ADAMTS17: variants seen among roughly 807,000 people sequenced by gnomAD.
ADAMTS17 encodes ADAM metallopeptidase with thrombospondin type 1 motif 17.
A neutral mutation model predicts 141.5 loss-of-function variants in ADAMTS17; 113 were observed. The ratio of observed to expected loss-of-function variants is 0.80; its 90% CI spans 0.69 to 0.93. The LOEUF is 0.93. Ranked by LOEUF, ADAMTS17 falls within the 40% of genes least tolerant of loss-of-function variation. ADAMTS17 has a pLI of 0.00. For missense variants in ADAMTS17, 1,659 were observed against 1,517.9 expected, an observed-to-expected ratio of 1.09 and a Z score of -1.54; for synonymous variants, 768 against 630.6, an observed-to-expected ratio of 1.22 and a Z score of -3.27.
chr15:100,149,574 T>C (rs1482434247), intron 10 of ADAMTS17, among the ~76,000 whole-genome samples: 1 of 152,164 alleles, frequency 6.6e-6, no homozygotes, highest in African/African-American at 2.4e-5. Context: ...TCACCTTTTT[T>C]CCTGCCAAAC....
chr15:100,079,462 T>A (rs10152706), intron 15 of ADAMTS17, among the ~76,000 whole-genome samples: 1 of 152,050 alleles, frequency 6.6e-6, no homozygotes. Flanking sequence ...CGTATTATAC[T>A]ACTCCATTTA....
chr15:100,149,320 G>A, intron 10 of ADAMTS17, among the ~76,000 whole-genome samples: 1 of 152,234 alleles, frequency 6.6e-6, no homozygotes, highest in South Asian at 2.1e-4. Flanking sequence ...CCCCAAAAGA[G>A]CGTGAGTGTG....
At chr15:100,152,370 CATGTGTAG>C (rs1311244720) in intron 10 of ADAMTS17, among the ~76,000 whole-genome samples, 1 of 151,778 alleles carries the variant, frequency 6.6e-6, no homozygotes, top group African/African-American at 2.4e-5. Flanking sequence ...CCTGCAACTG[CATGTGTAG>C]GTGTGTATGT....
intron 18 of ADAMTS17, among the ~76,000 whole-genome samples, chr15:100,025,931 C>T (rs1346730733): frequency 2.0e-5 from 3 of 151,788 alleles, no homozygotes; most frequent in Non-Finnish European, 4.4e-5. Flanking sequence ...TAGTTTTATT[C>T]AAGTATCACA....
Position 100,132,000 on chromosome 15 carries a change from G to A in ADAMTS17, c.1721+7C>T. 1 of 1,614,192 alleles carries A rather than the reference G, an allele frequency of 6.2e-7. No homozygotes were observed. Among genetic ancestry groups the A allele is most frequent in the Non-Finnish European group, 8.5e-7 (1 of 1,180,038 alleles). On this transcript the variant is annotated splice_region_variant and intron_variant, in intron 12 of 21. Transcript: ENST00000268070. ...CACGTTGGGGTATGGCTGGTCAGGG[G>A]ACTTACGGGGGGTTGTCACATTTCC...
At chr15:100,295,865 T>C (rs2044790962) in intron 3 of ADAMTS17, among the ~76,000 whole-genome samples, 1 of 152,164 alleles carries the variant, frequency 6.6e-6, no homozygotes, top group African/African-American at 2.4e-5. Flanking sequence ...TCCTCCCAGG[T>C]GTGGAACTAA....
At chr15:99,987,522 G>C (rs1238315076) in intron 20 of ADAMTS17, among the ~76,000 whole-genome samples, 1 of 152,182 alleles carries the variant, frequency 6.6e-6, no homozygotes, top group Non-Finnish European at 1.5e-5. Flanking sequence ...GAAGCCCTGG[G>C]TGACTGGTTT....
chr15:100,111,384 G>C (rs1490882693), intron 13 of ADAMTS17, among the ~76,000 whole-genome samples: 2 of 152,234 alleles, frequency 1.3e-5, no homozygotes, highest in African/African-American at 4.8e-5. Context: ...TCCACTTGCA[G>C]GGAAGGACCT....
intron 7 of ADAMTS17, among the ~76,000 whole-genome samples, chr15:100,224,812 G>T (rs1422934299): frequency 6.6e-6 from 1 of 152,244 alleles, no homozygotes; most frequent in East Asian, 1.9e-4. Context: ...CCAACCCCAA[G>T]GCTCTCAACA....
At chr15:100,068,905 T>A (rs929814107) in intron 15 of ADAMTS17, among the ~76,000 whole-genome samples, 2 of 151,474 alleles carry the variant, frequency 1.3e-5, no homozygotes, top group African/African-American at 4.8e-5. Flanking sequence ...CAGAGAATGA[T>A]AAGCTGAGAG....
intron 7 of ADAMTS17, among the ~76,000 whole-genome samples, chr15:100,249,463 C>G (rs1439031272): frequency 6.6e-6 from 1 of 152,336 alleles, no homozygotes; most frequent in South Asian, 2.1e-4. Flanking sequence ...CTCCCTCACT[C>G]CAGTGCAGGT....
chr15:100,114,328 C>T (rs1418486529), intron 13 of ADAMTS17, among the ~76,000 whole-genome samples: 3 of 152,248 alleles, frequency 2.0e-5, no homozygotes, highest in East Asian at 1.9e-4. Flanking sequence ...CCACAGGAAA[C>T]GTTCCTATCA....
At chr15:100,051,537 C>G in intron 17 of ADAMTS17, 35 bp downstream of exon 17, 1 of 1,612,286 alleles carries the variant, frequency 6.2e-7, no homozygotes, top group Non-Finnish European at 8.5e-7. Context: ...CAGCAAAACC[C>G]CACACCCAAC....
chr15:100,248,633 G>A (rs1365342611), intron 7 of ADAMTS17, among the ~76,000 whole-genome samples: 1 of 152,204 alleles, frequency 6.6e-6, no homozygotes, highest in African/African-American at 2.4e-5. Flanking sequence ...GGGCCACTCA[G>A]TGAGGGGATG....
chr15:100,156,541 C>A (rs2039445395), intron 8 of ADAMTS17, among the ~76,000 whole-genome samples: 1 of 152,194 alleles, frequency 6.6e-6, no homozygotes, highest in African/African-American at 2.4e-5. Flanking sequence ...GGAGGGGGGG[C>A]ATCCTTACCA....
chr15:100,278,849 T>C (rs1025047166), intron 4 of ADAMTS17, among the ~76,000 whole-genome samples: 3 of 152,176 alleles, frequency 2.0e-5, no homozygotes, highest in East Asian at 1.9e-4. Context: ...ATGGTGGTCA[T>C]AGCTCTGCCA....
intron 4 of ADAMTS17, among the ~76,000 whole-genome samples, chr15:100,276,682 G>A (rs536013694): frequency 6.6e-6 from 1 of 152,226 alleles, no homozygotes; most frequent in African/African-American, 2.4e-5. Context: ...CAGCCCCACA[G>A]AAAACATGCT....
intron 3 of ADAMTS17, among the ~76,000 whole-genome samples, chr15:100,301,647 C>T (rs2045042316): frequency 6.6e-6 from 1 of 152,036 alleles, no homozygotes; most frequent in South Asian, 2.1e-4. Context: ...AGTTATATTT[C>T]ATTAGGCTTA....
Position 100,318,641 on chromosome 15 carries a change from T to C in ADAMTS17, c.616+12248A>G, listed in dbSNP as rs995306359. On this transcript the variant is annotated intron_variant, in intron 3 of 21. Transcript: ENST00000268070. Reference sequence around the variant, plus strand: ...ACTATCTAGCTGACAGTTTTTGTTATAGCAGCCCAAACAGACTAAGACCAT... The same window carrying C: ...ACTATCTAGCTGACAGTTTTTGTTACAGCAGCCCAAACAGACTAAGACCAT... Among the ~76,000 whole-genome samples the C allele has an allele frequency of 2.3e-4, 35 of 152,344 alleles. 1 individual carries two copies. Among genetic ancestry groups the C allele is most frequent in the African/African-American group, 5.3e-4 (22 of 41,574 alleles).
Sources: allele counts gnomAD v4.1 joint callset (sites outside exome capture counted in the v4.1 genomes callset), GRCh38; gene constraint gnomAD v4.1.1; transcripts MANE v1.5; gene names NCBI Gene and HGNC (gene_info 2026-07-23, HGNC 2026-07-21).